The following ZNF804A variants were observed in gnomAD, a reference collection of about 807,000 sequenced individuals.
The protein encoded by ZNF804A is zinc finger protein 804A.
Under a neutral mutation model 16.5 loss-of-function variants are expected in ZNF804A, and 2 were observed. The observed-to-expected ratio is 0.12, with a 90% CI of 0.05 to 0.38. The LOEUF (loss-of-function observed/expected upper bound fraction) is 0.38, where lower values mean the gene tolerates loss of function less well. Ranked by LOEUF, ZNF804A falls within the 10% of genes least tolerant of loss-of-function variation. The pLI, the probability that ZNF804A is intolerant of heterozygous loss-of-function variation, is 0.99. For synonymous variants in ZNF804A, 534 were observed against 489.6 expected, an observed-to-expected ratio of 1.09 and a Z score of -1.20; for missense variants, 1,473 against 1,390.7, an observed-to-expected ratio of 1.06 and a Z score of -0.94.
At chr2:184,622,762 G>A (rs1200646616) in intron 1 of ZNF804A, among the ~76,000 whole-genome samples, 2 of 151,906 alleles carry the variant, frequency 1.3e-5, no homozygotes, top group Admixed American at 6.6e-5. Flanking sequence ...AATTATCTAG[G>A]AGAATAATTT....
intron 1 of ZNF804A, among the ~76,000 whole-genome samples, chr2:184,859,482 T>G (rs1446457789): frequency 1.3e-5 from 2 of 152,158 alleles, no homozygotes; most frequent in African/African-American, 4.8e-5. Flanking sequence ...TGTATTATTT[T>G]GGGTCATTTA....
chr2:184,706,201 A>C (rs1328714123), intron 1 of ZNF804A, among the ~76,000 whole-genome samples: 2 of 152,148 alleles, frequency 1.3e-5, no homozygotes. Context: ...ATTATCACAC[A>C]TCTGGCCACT....
intron 1 of ZNF804A, among the ~76,000 whole-genome samples, chr2:184,625,129 G>A (rs1372998382): frequency 6.6e-6 from 1 of 152,078 alleles, no homozygotes; most frequent in Admixed American, 6.6e-5. Flanking sequence ...AAAATGTCAA[G>A]AATCAGGTTG....
At chr2:184,737,946 A>T (rs1384609545) in intron 1 of ZNF804A, among the ~76,000 whole-genome samples, 1 of 152,046 alleles carries the variant, frequency 6.6e-6, no homozygotes, top group African/African-American at 2.4e-5. Context: ...CAACATGGAG[A>T]AACCCTGCCT....
At chr2:184,613,300 C>T (rs1691268044) in intron 1 of ZNF804A, among the ~76,000 whole-genome samples, 1 of 152,222 alleles carries the variant, frequency 6.6e-6, no homozygotes, top group South Asian at 2.1e-4. Context: ...CACTCACTCT[C>T]TTGCTCTCGC....
At chr2:184,617,207 G>T (rs1691339053) in intron 1 of ZNF804A, among the ~76,000 whole-genome samples, 1 of 152,056 alleles carries the variant, frequency 6.6e-6, no homozygotes, top group South Asian at 2.1e-4. Flanking sequence ...AGACTATTTT[G>T]TAAGCACAAT....
chr2:184,925,791 GT>G (rs1685600642), intron 2 of ZNF804A, among the ~76,000 whole-genome samples: 1 of 151,878 alleles, frequency 6.6e-6, no homozygotes. Flanking sequence ...CAACTTAACA[GT>G]TTTTACACAA....
chr2:184,765,758 G>C (rs1045061641), intron 1 of ZNF804A, among the ~76,000 whole-genome samples: 2 of 151,896 alleles, frequency 1.3e-5, no homozygotes, highest in African/African-American at 4.8e-5. Flanking sequence ...TATACGGCTC[G>C]TCCTGCTACA....
chr2:184,682,752 G>A (rs148535714), intron 1 of ZNF804A, among the ~76,000 whole-genome samples: 1 of 152,208 alleles, frequency 6.6e-6, no homozygotes, highest in Non-Finnish European at 1.5e-5. Context: ...TTAGATTAAT[G>A]TAATTAAACT....
chr2:184,848,607 GA>G (rs1695558373), intron 1 of ZNF804A, among the ~76,000 whole-genome samples: 1 of 151,994 alleles, frequency 6.6e-6, no homozygotes, highest in African/African-American at 2.4e-5. Context: ...ATTCTAGGAA[GA>G]ATAAATAACA....
At chr2:184,709,674 A>G (rs1382411809) in intron 1 of ZNF804A, among the ~76,000 whole-genome samples, 2 of 151,672 alleles carry the variant, frequency 1.3e-5, no homozygotes, top group East Asian at 3.9e-4. Context: ...GAAGTTACCA[A>G]AAAATCGTTT....
Position 184,813,997 on chromosome 2 carries a change from T to TC in ZNF804A, c.112-52372_112-52371insC, listed in dbSNP as rs1182302645. Among the ~76,000 whole-genome samples, 100 of 115,098 alleles carry TC rather than the reference T, an allele frequency of 8.7e-4. 1 individual carries two copies. The highest frequency in any genetic ancestry group is 2.1e-3 in the South Asian group (7 of 3,292). The allele number at this position is 115,098 out of a possible 152,430, so 75.5% of individuals were successfully genotyped here. On this transcript the variant is annotated intron_variant, in intron 1 of 3. Transcript: ENST00000302277. ...GGGCATGTTTGAGAAAGGCAGCTTT[T>TC]TTTTTTTTTTTTTTTTTTTTTTTTG...
intron 1 of ZNF804A, among the ~76,000 whole-genome samples, chr2:184,629,004 CAT>C: frequency 6.6e-6 from 1 of 152,058 alleles, no homozygotes. Context: ...TTCATTCTCT[CAT>C]TTTTTGACAT....
chr2:184,868,464 A>G (rs754758213), intron 2 of ZNF804A, among the ~76,000 whole-genome samples: 14 of 152,024 alleles, frequency 9.2e-5, no homozygotes, highest in Non-Finnish European at 1.5e-4. Flanking sequence ...TAGACAATTC[A>G]GATGTTTCTC....
At position 184,936,753 on chromosome 2, in the gene ZNF804A, A is replaced by G. The variant is rs376585141; in HGVS notation, c.1357A>G (p.Ile453Val). The G allele has an allele frequency of 7.4e-6, 12 of 1,613,786 alleles. No homozygotes were observed. Among genetic ancestry groups the G allele is most frequent in the African/African-American group, 2.7e-5 (2 of 74,906 alleles). ...GGTTTATACAACTACGAAACCATCA[A>G]TTTCCTATAGCTGTAATCCTCTATG... ...MLVYTTTKPS[I>V]SYSCNPLCFD... The change falls in exon 4 of 4, where the codon ATT (isoleucine) becomes GTT (valine). Residue 453 changes from isoleucine (I) to valine (V), a missense_variant. Ile to Val is a conservative substitution (Grantham distance 29). Coordinates refer to ENST00000302277, the MANE Select transcript of ZNF804A (RefSeq NM_194250.2).
chr2:184,774,779 C>A (rs11892820), intron 1 of ZNF804A, among the ~76,000 whole-genome samples: 11,182 of 151,572 alleles, frequency 0.074, 1,392 homozygotes, highest in African/African-American at 0.25. Flanking sequence ...AGGAAAGGGT[C>A]AAGTGAATAT....
chr2:184,748,978 G>T (rs192865388), intron 1 of ZNF804A, among the ~76,000 whole-genome samples: 17 of 151,608 alleles, frequency 1.1e-4, no homozygotes, highest in Admixed American at 4.6e-4. Flanking sequence ...ATGCTGTTTT[G>T]GTTACTGTAG....
At chr2:184,842,236 G>C (rs1173844121) in intron 1 of ZNF804A, among the ~76,000 whole-genome samples, 1 of 152,096 alleles carries the variant, frequency 6.6e-6, no homozygotes, top group East Asian at 1.9e-4. Context: ...CTCCCATTTG[G>C]AGTTCAAGAC....
At chr2:184,853,657 G>A (rs558615662) in intron 1 of ZNF804A, among the ~76,000 whole-genome samples, 27 of 151,654 alleles carry the variant, frequency 1.8e-4, no homozygotes, top group African/African-American at 4.8e-4. Flanking sequence ...ATGATCATAC[G>A]GTTTTTGACC....
Sources: gnomAD v4.1 joint callset for allele counts (sites outside exome capture counted in the v4.1 genomes callset) on GRCh38, gnomAD v4.1.1 for gene constraint, MANE v1.5 for transcripts, NCBI Gene and HGNC (gene_info 2026-07-23, HGNC 2026-07-21) for gene names.